Variants in PCDHA11 observed in about 807,000 individuals in gnomAD.
The protein encoded by PCDHA11 is protocadherin alpha-11.
PCDHA11 carries 61 observed loss-of-function variants against 70.3 expected under a neutral mutation model. The ratio of observed to expected loss-of-function variants is 0.87; its 90% CI spans 0.71 to 1.07. PCDHA11 has a LOEUF of 1.07. PCDHA11 is among the 50% of genes least tolerant of loss of function. The pLI is 0.00. For synonymous variants in PCDHA11, 633 were observed against 555.1 expected (o/e 1.14, Z -1.97); for missense variants, 1,324 against 1,237.5 (o/e 1.07, Z -1.05).
rs782609021 is a variant in PCDHA11 at position 140,870,911 on chromosome 5, A to C, written c.1808A>C (p.Asn603Thr). Reference sequence around the variant, plus strand: ...GCAGTGGATGCGGACTCAGGCTACAACGCGTGGCTTTCATATGAATTGCAG... The same window carrying C: ...GCAGTGGATGCGGACTCAGGCTACACCGCGTGGCTTTCATATGAATTGCAG... Reference protein sequence around the residue: ...VRAVDADSGYNAWLSYELQPA... With the variant: ...VRAVDADSGYTAWLSYELQPA... The change falls in exon 1 of 4, where the codon AAC becomes ACC. Residue 603 changes from asparagine (N) to threonine (T), a missense_variant. Physicochemically the swap from Asn to Thr is moderately conservative, Grantham distance 65. Coordinates refer to ENST00000398640, the MANE Select transcript of PCDHA11 (RefSeq NM_018902.5). The C allele has an allele frequency of 6.2e-7, 1 of 1,613,910 alleles. No homozygotes were observed. The highest frequency in any genetic ancestry group is 8.5e-7 in the Non-Finnish European group (1 of 1,179,892).
intron 1 of PCDHA11, among the ~76,000 whole-genome samples, chr5:140,945,070 C>T (rs2093734077): frequency 6.6e-6 from 1 of 151,960 alleles, no homozygotes; most frequent in African/African-American, 2.4e-5. Context: ...ACAGACTCCA[C>T]CAAAACACTC....
chr5:141,009,544 C>A (rs1236431515), intron 3 of PCDHA11, 83 bp from the exon 4 acceptor site: 1 of 1,534,390 alleles, frequency 6.5e-7, no homozygotes. Context: ...CCTGCCTATG[C>A]AGTACTCCTG....
In PCDHA11 at chr5:141,010,166, A is replaced by G; in HGVS notation, c.*229A>G. 1 of 1,562,828 alleles carries G rather than the reference A, an allele frequency of 6.4e-7. No homozygotes were observed. The highest frequency in any genetic ancestry group is 8.7e-7 in the Non-Finnish European group (1 of 1,152,678). ...TCTCTCCACTCTGGCTTGTTTTCAG[A>G]ACCTAAAAAGCAGACCCAAGTTTCC... On this transcript the variant is annotated 3_prime_UTR_variant, in exon 4 of 4. Transcript: ENST00000398640.
At chr5:140,922,655 C>G (rs1468761948) in intron 1 of PCDHA11, among the ~76,000 whole-genome samples, 1 of 152,134 alleles carries the variant, frequency 6.6e-6, no homozygotes, top group Non-Finnish European at 1.5e-5. Context: ...GTAAATATGG[C>G]TATACTGCAA....
chr5:140,881,555 A>G (rs2058748140), intron 1 of PCDHA11, among the ~76,000 whole-genome samples: 2 of 152,236 alleles, frequency 1.3e-5, no homozygotes, highest in South Asian at 2.1e-4. Context: ...TTGAATATAA[A>G]TATCTTATCT....
At chr5:140,986,950 A>C (rs1161887732) in intron 3 of PCDHA11, among the ~76,000 whole-genome samples, 1 of 152,164 alleles carries the variant, frequency 6.6e-6, no homozygotes, top group Admixed American at 6.5e-5. Flanking sequence ...GTGGTCGCTC[A>C]TGCCTGTAAT....
At chr5:140,957,852 AT>A (rs5871756) in intron 1 of PCDHA11, among the ~76,000 whole-genome samples, 2 of 151,658 alleles carry the variant, frequency 1.3e-5, no homozygotes, top group African/African-American at 2.4e-5. Context: ...GAGTTTGTGT[AT>A]TTTTTTTCCT....
At chr5:140,969,146 AAGGCCTGTCTGACAGC>A in intron 1 of PCDHA11, 1 of 1,614,170 alleles carries the variant, frequency 6.2e-7, no homozygotes, top group Non-Finnish European at 8.5e-7. Flanking sequence ...CTACTGCTAC[AAGGCCTGTCTGACAGC>A]AGGCTCAGGG....
At chr5:140,883,291 A>T (rs1554177505) in intron 1 of PCDHA11, 1 of 1,614,118 alleles carries the variant, frequency 6.2e-7, no homozygotes, top group South Asian at 1.1e-5. Flanking sequence ...TGGAAGTACT[A>T]GATGTAAATG....
chr5:140,956,979 A>C (rs2153711830), intron 1 of PCDHA11, among the ~76,000 whole-genome samples: 1 of 152,346 alleles, frequency 6.6e-6, no homozygotes, highest in South Asian at 2.1e-4. Context: ...AATTTAAGTA[A>C]AATAAATTCA....
chr5:140,874,500 C>T (rs1241228989), intron 1 of PCDHA11, among the ~76,000 whole-genome samples: 1 of 152,220 alleles, frequency 6.6e-6, no homozygotes, highest in African/African-American at 2.4e-5. Context: ...ATCAAGTTCA[C>T]ATTCTCTTGA....
chr5:140,988,558 T>C lies in PCDHA11; in HGVS notation c.2539+5995T>C, dbSNP rs982984587. ...CCATTCATGACTTTCTTCATCTTCT[T>C]CTTGGGAAAACACTCTGTACCTTCC... On this transcript the variant is annotated intron_variant, in intron 3 of 3. Transcript: ENST00000398640. 3.9e-5 allele frequency among the ~76,000 whole-genome samples: 6 copies of C among 152,198 alleles called. 1 individual carries two copies. Among genetic ancestry groups the C allele is most frequent in the Admixed American group, 3.9e-4 (6 of 15,276 alleles).
chr5:140,986,247 G>A (rs758689038), intron 3 of PCDHA11, among the ~76,000 whole-genome samples: 1 of 152,012 alleles, frequency 6.6e-6, no homozygotes, highest in Non-Finnish European at 1.5e-5. Context: ...GAGCAGACCC[G>A]GACCACAGGC....
At chr5:140,968,612 C>A (rs782101758) in intron 1 of PCDHA11, 2 of 1,614,204 alleles carry the variant, frequency 1.2e-6, no homozygotes, top group East Asian at 2.2e-5. Flanking sequence ...AGACTCTGGG[C>A]AAAATGCTTG....
intron 1 of PCDHA11, among the ~76,000 whole-genome samples, chr5:140,970,781 G>A (rs2096433448): frequency 6.6e-6 from 1 of 152,042 alleles, no homozygotes; most frequent in Admixed American, 6.6e-5. Context: ...CATACATATT[G>A]TATGTAATAT....
At chr5:140,982,097 C>A (rs1313290841) in intron 2 of PCDHA11, among the ~76,000 whole-genome samples, 1 of 152,194 alleles carries the variant, frequency 6.6e-6, no homozygotes, top group Non-Finnish European at 1.5e-5. Flanking sequence ...AACAAGAGAA[C>A]CTGCAAGAGA....
intron 1 of PCDHA11, among the ~76,000 whole-genome samples, chr5:140,915,921 T>C (rs2077370703): frequency 6.6e-6 from 1 of 152,286 alleles, no homozygotes; most frequent in African/African-American, 2.4e-5. Context: ...GAGATGCTAC[T>C]TGGGAGTCAG....
At chr5:140,909,835 C>T (rs1554193946) in intron 1 of PCDHA11, among the ~76,000 whole-genome samples, 2 of 152,068 alleles carry the variant, frequency 1.3e-5, no homozygotes, top group Non-Finnish European at 2.9e-5. Context: ...AACTGGAGGA[C>T]CACCAGGACG....
rs782277287 is a variant in PCDHA11 at position 140,929,397 on chromosome 5, T to C, written c.2392-49552T>C. 4.6e-6 allele frequency: 7 copies of C among 1,509,852 alleles called. No homozygotes were observed. In the South Asian group the frequency reaches 9.5e-5, roughly 21 times the overall value. The allele number at this position is 1,509,852 out of a possible 1,614,324, so 93.5% of individuals were successfully genotyped here. A position where few individuals can be genotyped will look rare whatever the true frequency, so the allele number is the denominator to read the frequency against. Reference sequence around the variant, plus strand: ...GCTAGCTGTGTTTTGAAATATTTCTTAGACAAGCCTTTCACAACATTTCAT... The same window carrying C: ...GCTAGCTGTGTTTTGAAATATTTCTCAGACAAGCCTTTCACAACATTTCAT... On this transcript the variant is annotated intron_variant, in intron 1 of 3. Transcript: ENST00000398640.
Sources: allele counts gnomAD v4.1 joint callset (sites outside exome capture counted in the v4.1 genomes callset), GRCh38; gene constraint gnomAD v4.1.1; transcripts MANE v1.5; gene names NCBI Gene and HGNC (gene_info 2026-07-23, HGNC 2026-07-21).